The following COL25A1 variants were observed in gnomAD, a reference collection of about 807,000 sequenced individuals.
COL25A1 encodes the protein collagen alpha-1(XXV) chain.
A neutral mutation model predicts 128.4 loss-of-function variants in COL25A1; 103 were observed. That is an observed-to-expected ratio of 0.80 (90% CI 0.68 to 0.94). The LOEUF (loss-of-function observed/expected upper bound fraction) is 0.94, where lower values mean the gene tolerates loss of function less well. COL25A1 is among the 40% of genes least tolerant of loss of function. The pLI is 0.00. For missense variants in COL25A1, 745 were observed against 840.0 expected, an observed-to-expected ratio of 0.89 and a Z score of 1.40; for synonymous variants, 279 against 277.2, an observed-to-expected ratio of 1.01 and a Z score of -0.06.
chr4:109,178,909 C>T (rs1374146637), intron 3 of COL25A1, among the ~76,000 whole-genome samples: 2 of 149,782 alleles, frequency 1.3e-5, no homozygotes, highest in Non-Finnish European at 3.0e-5. Flanking sequence ...TTTTGAGACT[C>T]AAACCAAATG....
chr4:109,167,262 CAT>C (rs1491217337), intron 3 of COL25A1, among the ~76,000 whole-genome samples: 3 of 152,090 alleles, frequency 2.0e-5, no homozygotes, highest in African/African-American at 7.2e-5. Context: ...TTCAGGATAA[CAT>C]GTGTGCAAAT....
chr4:108,998,519 T>A (rs1012125818), intron 6 of COL25A1, among the ~76,000 whole-genome samples: 2 of 152,106 alleles, frequency 1.3e-5, no homozygotes. Context: ...AGAATCAATA[T>A]CATGAAAATG....
chr4:109,218,350 TTTTGGGG>T (rs1778155413), intron 3 of COL25A1, among the ~76,000 whole-genome samples: 1 of 137,000 alleles, frequency 7.3e-6, no homozygotes, highest in African/African-American at 3.2e-5. Flanking sequence ...ATTGCTGGTT[TTTTGGGG>T]TTTTTTTTTT....
At chr4:109,034,301 TC>T (rs1759137907) in intron 5 of COL25A1, among the ~76,000 whole-genome samples, 2 of 152,190 alleles carry the variant, frequency 1.3e-5, no homozygotes, top group Admixed American at 1.3e-4. Flanking sequence ...ATGAAAAATG[TC>T]ATTTCTGGAA....
chr4:108,828,015 T>C (rs56045387), intron 32 of COL25A1, among the ~76,000 whole-genome samples: 28,846 of 152,232 alleles, frequency 0.19, 2,895 homozygotes, highest in Non-Finnish European at 0.23. Context: ...AGCTTTGTTG[T>C]TCCCTATAGC....
At chr4:109,051,134 A>G (rs897872559) in intron 3 of COL25A1, among the ~76,000 whole-genome samples, 1 of 151,614 alleles carries the variant, frequency 6.6e-6, no homozygotes, top group Non-Finnish European at 1.5e-5. Flanking sequence ...AAAATACAGA[A>G]CTGCCTGATT....
At chr4:109,118,048 C>CA in intron 3 of COL25A1, among the ~76,000 whole-genome samples, 1 of 151,614 alleles carries the variant, frequency 6.6e-6, no homozygotes, top group Middle Eastern at 3.4e-3. Context: ...GGACAACAAA[C>CA]AAAAAACAGT....
intron 3 of COL25A1, among the ~76,000 whole-genome samples, chr4:109,286,412 C>T (rs940323302): frequency 1.3e-5 from 2 of 152,060 alleles, no homozygotes; most frequent in Admixed American, 1.3e-4. Flanking sequence ...AATTCTTAGG[C>T]CCCAGCAGGC....
chr4:108,843,956 G>A (rs565180072), intron 30 of COL25A1, among the ~76,000 whole-genome samples: 1 of 151,814 alleles, frequency 6.6e-6, no homozygotes, highest in Admixed American at 6.6e-5. Context: ...AAAGGGCAAG[G>A]GCATGATCAC....
At chr4:109,247,975 C>T (rs892503501) in intron 3 of COL25A1, among the ~76,000 whole-genome samples, 2 of 152,046 alleles carry the variant, frequency 1.3e-5, no homozygotes, top group Non-Finnish European at 2.9e-5. Context: ...AAAGTAAGTT[C>T]ACGGAAGGAG....
chr4:109,167,841 G>C (rs570320792), intron 3 of COL25A1, among the ~76,000 whole-genome samples: 74 of 152,228 alleles, frequency 4.9e-4, no homozygotes, highest in Non-Finnish European at 2.5e-4. Context: ...AGACAATCTA[G>C]AGTGACACAA....
intron 3 of COL25A1, among the ~76,000 whole-genome samples, chr4:109,243,620 A>C (rs1397091100): frequency 2.0e-5 from 3 of 152,092 alleles, no homozygotes; most frequent in Non-Finnish European, 4.4e-5. Context: ...ATGTTTGATC[A>C]GTTATTCCAG....
chr4:108,945,889 T>C (rs112366018), intron 8 of COL25A1, among the ~76,000 whole-genome samples: 4,080 of 152,258 alleles, frequency 0.027, 87 homozygotes, highest in Middle Eastern at 0.058. Context: ...GGTCTCGAAC[T>C]CCTGACCTCA....
At chr4:108,814,475 G>GTATTCAGTT (rs1208789970) in intron 37 of COL25A1, among the ~76,000 whole-genome samples, 1 of 152,164 alleles carries the variant, frequency 6.6e-6, no homozygotes, top group African/African-American at 2.4e-5. Flanking sequence ...AGACCTGCCT[G>GTATTCAGTT]CTGTCAGGCC....
At chr4:108,937,534 C>G (rs1382443088) in intron 11 of COL25A1, among the ~76,000 whole-genome samples, 1 of 152,140 alleles carries the variant, frequency 6.6e-6, no homozygotes, top group Non-Finnish European at 1.5e-5. Context: ...ATCTCTCTTA[C>G]AGCAGAGTCA....
chr4:109,142,527 A>C (rs1770513884), intron 3 of COL25A1, among the ~76,000 whole-genome samples: 1 of 151,270 alleles, frequency 6.6e-6, no homozygotes. Context: ...AAAGTCTCCC[A>C]CTATTATTGT....
intron 3 of COL25A1, among the ~76,000 whole-genome samples, chr4:109,081,456 A>T (rs1380675758): frequency 6.6e-6 from 1 of 152,164 alleles, no homozygotes; most frequent in Non-Finnish European, 1.5e-5. Flanking sequence ...TCGGAAACTG[A>T]TATTTTGGTG....
At chr4:108,901,440 C>T (rs182101192) in intron 13 of COL25A1, among the ~76,000 whole-genome samples, 1 of 152,150 alleles carries the variant, frequency 6.6e-6, no homozygotes, top group African/African-American at 2.4e-5. Flanking sequence ...TAGCATGTTG[C>T]TGGGTACATT....
intron 3 of COL25A1, among the ~76,000 whole-genome samples, chr4:109,244,642 T>C (rs932112022): frequency 2.0e-5 from 3 of 152,288 alleles, no homozygotes; most frequent in African/African-American, 2.4e-5. Context: ...GCAGTATTTT[T>C]AGAATTGTTA....
Sources: allele counts gnomAD v4.1 joint callset (sites outside exome capture counted in the v4.1 genomes callset), GRCh38; gene constraint gnomAD v4.1.1; transcripts MANE v1.5; gene names NCBI Gene and HGNC (gene_info 2026-07-23, HGNC 2026-07-21).